The following PTPRN2 variants were observed in gnomAD, a reference collection of about 807,000 sequenced individuals.
The protein encoded by PTPRN2 is receptor-type tyrosine-protein phosphatase N2.
PTPRN2 carries 74 observed loss-of-function variants against 118.8 expected under a neutral mutation model. The observed-to-expected ratio is 0.62, with a 90% confidence interval of 0.52 to 0.76. The LOEUF is 0.76. PTPRN2 is among the 30% of genes least tolerant of loss of function. PTPRN2 has a pLI of 0.00. For synonymous variants in PTPRN2, 641 were observed against 608.0 expected (o/e 1.05, Z -0.80); for missense variants, 1,481 against 1,394.4 (o/e 1.06, Z -0.99).
intron 11 of PTPRN2, 22 bp downstream of exon 11, chr7:158,081,276 G>A (rs549594704): frequency 2.3e-5 from 37 of 1,599,782 alleles, no homozygotes; most frequent in Admixed American, 1.7e-4. Context: ...GTGCGTGTAC[G>A]TGTGTGTGGA....
Position 157,915,117 on chromosome 7 carries a change from T to C in PTPRN2, c.1724-16380A>G, listed in dbSNP as rs1220284651. Among the ~76,000 whole-genome samples the C allele has an allele frequency of 2.0e-5, 3 of 152,236 alleles. No homozygotes were observed. The East Asian group carries it at 5.8e-4, about 29-fold the overall frequency. Reference sequence around the variant, plus strand: ...TATGATCTATGTCCAATAGTTACAATATCTGAGGCTTTCTTTTGTTGTCCA... The same window carrying C: ...TATGATCTATGTCCAATAGTTACAACATCTGAGGCTTTCTTTTGTTGTCCA... On this transcript the variant is annotated intron_variant, in intron 11 of 22. Coordinates refer to ENST00000389418, the MANE Select transcript of PTPRN2 (RefSeq NM_002847.5).
intron 1 of PTPRN2, among the ~76,000 whole-genome samples, chr7:158,557,485 G>A (rs1827120334): frequency 6.6e-6 from 1 of 152,254 alleles, no homozygotes. Context: ...GGTCCACTCA[G>A]TCGCTTCTTG....
At chr7:157,796,646 G>A (rs981325428) in intron 12 of PTPRN2, among the ~76,000 whole-genome samples, 4 of 152,130 alleles carry the variant, frequency 2.6e-5, no homozygotes, top group South Asian at 4.1e-4. Flanking sequence ...AGGCTTAATC[G>A]GCTCAGAGCT....
In PTPRN2 at chr7:158,081,358, T is replaced by A; in HGVS notation, c.1663A>T (p.Thr555Ser). ...ADVEVLGPAV[T>S]FKVSANVQNV... is the part of the protein sequence containing the mutation. Reference sequence around the variant, plus strand: ...TGGACATTGGCGCTCACTTTGAAGGTCACTGCTGGTCCGAGAACCCTGGAA... The same window carrying A: ...TGGACATTGGCGCTCACTTTGAAGGACACTGCTGGTCCGAGAACCCTGGAA... Residue 555 changes from threonine to serine, a missense_variant, in exon 11 of 23, where the codon ACC becomes TCC. Thr to Ser is a moderately conservative substitution (Grantham distance 58). Transcript: ENST00000389418. 6.2e-7 allele frequency: 1 copy of A among 1,614,174 alleles called. No individual in the cohort carries two copies. The highest frequency in any genetic ancestry group is 8.5e-7 in the Non-Finnish European group (1 of 1,180,014).
At chr7:157,564,877 C>T (rs1799405902) in intron 21 of PTPRN2, among the ~76,000 whole-genome samples, 1 of 152,232 alleles carries the variant, frequency 6.6e-6, no homozygotes, top group Non-Finnish European at 1.5e-5. Context: ...GGATTACTCA[C>T]AACAGCCCAA....
chr7:158,072,756 C>A (rs754603763), intron 11 of PTPRN2, among the ~76,000 whole-genome samples: 2 of 152,226 alleles, frequency 1.3e-5, no homozygotes, highest in Non-Finnish European at 2.9e-5. Flanking sequence ...GTGCCACACA[C>A]TCCAGCTGCT....
rs907748076 is a variant in PTPRN2 at position 158,110,698 on chromosome 7, C to T, written c.1643+131G>A. ...TAACTTACCAAAGCTGCTGAAATCACCTTTCACTTCTCTAAACAGGTTCCC... is the reference window on the plus strand; with the variant it reads ...TAACTTACCAAAGCTGCTGAAATCATCTTTCACTTCTCTAAACAGGTTCCC... On this transcript the variant is annotated intron_variant, in intron 10 of 22. Coordinates refer to ENST00000389418, the MANE Select transcript of PTPRN2 (RefSeq NM_002847.5). 2.5e-5 allele frequency: 21 copies of T among 828,178 alleles called. No homozygotes were observed. In the Admixed American group the frequency reaches 4.8e-4, roughly 19 times the overall value. 51.3% of individuals were successfully genotyped at this position (828,178 alleles called of 1,614,324 possible).
chr7:158,081,446 A>G, intron 10 of PTPRN2, 69 bp from the exon 11 acceptor site: 1 of 1,461,368 alleles, frequency 6.8e-7, no homozygotes, highest in Non-Finnish European at 9.6e-7. Context: ...TGAAAACGAC[A>G]TGGAAAACAC....
chr7:158,539,876 C>T lies in PTPRN2; in HGVS notation c.112+47682G>A, dbSNP rs568930549. ...GGAGCTGGTGACGGCTGGAACCAGACATTGCACTGTGAGCCTGCAGCTGGT... is the reference window on the plus strand; with the variant it reads ...GGAGCTGGTGACGGCTGGAACCAGATATTGCACTGTGAGCCTGCAGCTGGT... On this transcript the variant is annotated intron_variant, in intron 1 of 22. Transcript: ENST00000389418. The T allele has an allele frequency of 7.9e-5, 17 of 213,900 alleles. No homozygotes were observed. The South Asian group carries it at 8.9e-4, about 11-fold the overall frequency. The allele number at this position is 213,900 out of a possible 1,614,324, so 13.3% of individuals were successfully genotyped here.
At chr7:157,742,241 C>T (rs370390486) in intron 12 of PTPRN2, among the ~76,000 whole-genome samples, 5 of 152,130 alleles carry the variant, frequency 3.3e-5, no homozygotes, top group Admixed American at 2.6e-4. Flanking sequence ...ACTGGGGTAA[C>T]GCGTTATTTA....
intron 12 of PTPRN2, among the ~76,000 whole-genome samples, chr7:157,792,701 C>A (rs374764177): frequency 5.9e-5 from 9 of 152,202 alleles, no homozygotes; most frequent in African/African-American, 1.9e-4. Flanking sequence ...TCTGCCCAGG[C>A]TGGGGCCGGG....
chr7:157,810,598 ACGGCGGGACTGC>A (rs1805948811), intron 12 of PTPRN2, among the ~76,000 whole-genome samples: 1 of 110,784 alleles, frequency 9.0e-6, no homozygotes, highest in African/African-American at 4.0e-5. Flanking sequence ...AGGGACGGGG[ACGGCGGGACTGC>A]TGGGGGCTGG....
At chr7:157,644,383 C>T (rs1047607476) in intron 14 of PTPRN2, among the ~76,000 whole-genome samples, 4 of 152,184 alleles carry the variant, frequency 2.6e-5, no homozygotes, top group African/African-American at 9.7e-5. Context: ...TTTCAGCTGC[C>T]CAGCCTGAGG....
At chr7:157,756,083 C>A (rs1390874340) in intron 12 of PTPRN2, among the ~76,000 whole-genome samples, 1 of 152,050 alleles carries the variant, frequency 6.6e-6, no homozygotes, top group African/African-American at 2.4e-5. Flanking sequence ...TAGTTTTAAC[C>A]AAAAATATAC....
intron 12 of PTPRN2, among the ~76,000 whole-genome samples, chr7:157,820,147 A>C (rs1044170792): frequency 2.6e-5 from 4 of 151,676 alleles, no homozygotes; most frequent in South Asian, 2.1e-4. Context: ...GCAGACCCCC[A>C]CACACGCACA....
intron 12 of PTPRN2, among the ~76,000 whole-genome samples, chr7:157,872,957 C>T (rs1389957762): frequency 1.3e-5 from 2 of 152,248 alleles, no homozygotes; most frequent in Non-Finnish European, 2.9e-5. Context: ...TGCTTGTCCT[C>T]TTCCTGGGAC....
At chr7:158,355,183 T>C (rs1808293480) in intron 2 of PTPRN2, among the ~76,000 whole-genome samples, 1 of 152,278 alleles carries the variant, frequency 6.6e-6, no homozygotes, top group East Asian at 1.9e-4. Flanking sequence ...GATCTCTTCA[T>C]TCAGAAAGAA....
At chr7:158,105,311 C>A (rs1815594191) in intron 10 of PTPRN2, among the ~76,000 whole-genome samples, 1 of 151,598 alleles carries the variant, frequency 6.6e-6, no homozygotes, top group African/African-American at 2.4e-5. Flanking sequence ...ACCCTCAGCT[C>A]CATCCCAACT....
At chr7:158,319,132 T>G (rs1270807018) in intron 2 of PTPRN2, among the ~76,000 whole-genome samples, 1 of 152,240 alleles carries the variant, frequency 6.6e-6, no homozygotes, top group Non-Finnish European at 1.5e-5. Context: ...TTATTTAGAA[T>G]ATATACAATA....
Sources: gnomAD v4.1 joint callset for allele counts (sites outside exome capture counted in the v4.1 genomes callset) on GRCh38, gnomAD v4.1.1 for gene constraint, MANE v1.5 for transcripts, NCBI Gene and HGNC (gene_info 2026-07-23, HGNC 2026-07-21) for gene names.